Variants in TPGS2 observed in about 807,000 individuals in gnomAD.
TPGS2 encodes tubulin polyglutamylase complex subunit 2.
Under a neutral mutation model 31.1 loss-of-function variants are expected in TPGS2, and 26 were observed. The observed-to-expected ratio is 0.84, with a 90% CI of 0.61 to 1.16. TPGS2 has a LOEUF of 1.16. Among genes scored for constraint, TPGS2 ranks in the 50% most tolerant of loss-of-function variants. The pLI, the probability that TPGS2 is intolerant of heterozygous loss-of-function variation, is 0.00. For synonymous variants in TPGS2, 130 were observed against 136.6 expected (o/e 0.95, Z 0.34); for missense variants, 351 against 363.8 (o/e 0.96, Z 0.29).
At chr18:36,823,478 T>TTTTTTTTTA (rs2045989159) in intron 1 of TPGS2, among the ~76,000 whole-genome samples, 1 of 146,072 alleles carries the variant, frequency 6.8e-6, no homozygotes, top group Non-Finnish European at 1.5e-5. Flanking sequence ...TTTTTTTTTT[T>TTTTTTTTTA]GAGACGGAGT....
rs539479091 is a variant in TPGS2 at position 36,815,079 on chromosome 18, G to A, written c.165+3815C>T. The stretch of plus-strand genomic sequence containing the variant: ...ACCAGGTACACCAGATGGAGGCTGG[G>A]CTCTAAATGAGGTGTCTCCAAGGAG... On this transcript the variant is annotated intron_variant, in intron 2 of 6. Transcript: ENST00000334295. Among the ~76,000 whole-genome samples the A allele has an allele frequency of 1.6e-4, 24 of 152,324 alleles. No individual in the cohort carries two copies. The South Asian group carries it at 2.1e-3, about 13-fold the overall frequency.
rs577471154 is a variant in TPGS2 at position 36,828,868 on chromosome 18, C to A, written c.-101G>T. On this transcript the variant is annotated 5_prime_UTR_variant, in exon 1 of 7. Coordinates refer to ENST00000334295, the MANE Select transcript of TPGS2 (RefSeq NM_015476.4). ...ATGGCATGCCGGGAACGGTAGTTCT[C>A]GGCGCCTGAAAGCGCGGCGCAGTGA... is the stretch of plus-strand genomic sequence containing the variant. 238 of 1,434,678 alleles carry A rather than the reference C, an allele frequency of 1.7e-4. No individual in the cohort carries two copies. In the African/African-American group the frequency reaches 2.8e-3, roughly 17 times the overall value. The allele number at this position is 1,434,678 out of a possible 1,614,324, so 88.9% of individuals were successfully genotyped here.
At chr18:36,813,367 G>C (rs2045514040) in intron 2 of TPGS2, among the ~76,000 whole-genome samples, 1 of 152,210 alleles carries the variant, frequency 6.6e-6, no homozygotes, top group Non-Finnish European at 1.5e-5. Flanking sequence ...CTTTAGCCAT[G>C]AAGAGGTCCT....
chr18:36,780,266 G>C, downstream of TPGS2: 1 of 1,050,390 alleles, frequency 9.5e-7, no homozygotes, highest in Non-Finnish European at 1.2e-6. Flanking sequence ...CTAAGTCCTT[G>C]TTACAGGACG....
chr18:36,780,307 C>T (rs546274820), downstream of TPGS2: 5 of 746,706 alleles, frequency 6.7e-6, no homozygotes, highest in South Asian at 2.8e-4. Flanking sequence ...ACATCTATCA[C>T]CTTACCTGTG....
chr18:36,792,486 G>T (rs1386710445), downstream of TPGS2, among the ~76,000 whole-genome samples: 2 of 152,118 alleles, frequency 1.3e-5, no homozygotes, highest in African/African-American at 4.8e-5. Context: ...TTCTATTCTA[G>T]TCATTATATA....
chr18:36,825,172 C>T (rs544847433), intron 1 of TPGS2, among the ~76,000 whole-genome samples: 24 of 152,268 alleles, frequency 1.6e-4, no homozygotes, highest in Non-Finnish European at 3.1e-4. Flanking sequence ...GTGGCTCACA[C>T]CTGTAATCCC....
intron 1 of TPGS2, among the ~76,000 whole-genome samples, chr18:36,823,177 C>G (rs1255387112): frequency 1.3e-5 from 2 of 152,224 alleles, no homozygotes; most frequent in Non-Finnish European, 2.9e-5. Context: ...AATCACTGGT[C>G]TTTCCTTACA....
intron 3 of TPGS2, chr18:36,806,190 C>T (rs2045123322): frequency 6.6e-6 from 1 of 152,200 alleles, no homozygotes; most frequent in Non-Finnish European, 1.5e-5. Context: ...CAGAAGATGC[C>T]TCTGCTGCCT....
At chr18:36,791,789 T>C (rs1019101875), downstream of TPGS2, among the ~76,000 whole-genome samples, 1 of 152,060 alleles carries the variant, frequency 6.6e-6, no homozygotes, top group Non-Finnish European at 1.5e-5. Flanking sequence ...CCCAGCACTT[T>C]GGGAGGCTGA....
At chr18:36,786,802 G>A in intron 6 of TPGS2, 2 of 1,234,114 alleles carry the variant, frequency 1.6e-6, no homozygotes, top group Non-Finnish European at 2.0e-6. Flanking sequence ...CACTTGGTTG[G>A]AGAGTTTTAT....
At chr18:36,813,307 T>C (rs1050308692) in intron 2 of TPGS2, among the ~76,000 whole-genome samples, 1 of 151,764 alleles carries the variant, frequency 6.6e-6, no homozygotes, top group South Asian at 2.1e-4. Flanking sequence ...GAGAAGGGAG[T>C]GGCTAACTGT....
At chr18:36,819,064 T>G in intron 1 of TPGS2, 91 bp from the exon 2 acceptor site, 1 of 1,036,722 alleles carries the variant, frequency 9.6e-7, no homozygotes, top group Non-Finnish European at 1.5e-6. Flanking sequence ...ATGACTGCTC[T>G]TAAGAACATC....
chr18:36,782,917 T>A (rs2044050064), downstream of TPGS2: 1 of 393,354 alleles, frequency 2.5e-6, no homozygotes, highest in African/African-American at 2.1e-5. Context: ...CTCTCTTTTT[T>A]CTTCACCCTC....
At chr18:36,780,557 G>A (rs548023865), downstream of TPGS2, among the ~76,000 whole-genome samples, 98 of 152,260 alleles carry the variant, frequency 6.4e-4, no homozygotes, top group African/African-American at 2.3e-3. Context: ...GAAATGTGTT[G>A]TTAGGCAGTT....
At chr18:36,799,758 G>A (rs2044713516) in intron 5 of TPGS2, among the ~76,000 whole-genome samples, 1 of 152,190 alleles carries the variant, frequency 6.6e-6, no homozygotes, top group Admixed American at 6.5e-5. Context: ...CTAGGTGGCA[G>A]CTGCTGCTTG....
chr18:36,781,701 T>C, downstream of TPGS2: 1 of 936,284 alleles, frequency 1.1e-6, no homozygotes, highest in Non-Finnish European at 1.3e-6. Flanking sequence ...ATGTGATTTA[T>C]AGGCAATGTG....
At chr18:36,788,428 G>C (rs777738226) in intron 6 of TPGS2, among the ~76,000 whole-genome samples, 5 of 152,152 alleles carry the variant, frequency 3.3e-5, no homozygotes, top group Non-Finnish European at 7.4e-5. Flanking sequence ...AGATGGCCTC[G>C]TTTTCAAAAT....
At chr18:36,825,432 CAAAAAAAA>C (rs60365266) in intron 1 of TPGS2, among the ~76,000 whole-genome samples, 1 of 77,436 alleles carries the variant, frequency 1.3e-5, no homozygotes, top group African/African-American at 4.0e-5. Flanking sequence ...ACTCCGTCTC[CAAAAAAAA>C]AAAAAAAAAA....
Sources: gnomAD v4.1 joint callset for allele counts (sites outside exome capture counted in the v4.1 genomes callset) on GRCh38, gnomAD v4.1.1 for gene constraint, MANE v1.5 for transcripts, NCBI Gene and HGNC (gene_info 2026-07-23, HGNC 2026-07-21) for gene names.